Variants in CCDC181 observed in about 807,000 individuals in gnomAD.
CCDC181 encodes coiled-coil domain-containing protein 181.
A neutral mutation model predicts 58.7 loss-of-function variants in CCDC181; 35 were observed. That is an observed-to-expected ratio of 0.60 (90% CI 0.46 to 0.79). The LOEUF is 0.79. Among genes scored for constraint, CCDC181 ranks in the 30% least tolerant of loss-of-function variants. The pLI is 0.00. For missense variants in CCDC181, 517 were observed against 583.9 expected (o/e 0.89, Z 1.18); for synonymous variants, 183 against 197.5 (o/e 0.93, Z 0.62).
At chr1:169,454,639 C>A (rs1447857671) in intron 2 of CCDC181, 1 of 151,968 alleles carries the variant, frequency 6.6e-6, no homozygotes, top group African/African-American at 2.4e-5. Flanking sequence ...AGGACGTTCA[C>A]ACTGCTTTTT....
intron 2 of CCDC181, among the ~76,000 whole-genome samples, chr1:169,434,029 T>G (rs1179553658): frequency 1.3e-5 from 2 of 152,048 alleles, no homozygotes; most frequent in African/African-American, 2.4e-5. Flanking sequence ...AAATGATATA[T>G]CTAATGTTCA....
chr1:169,436,315 C>A (rs1422325186), intron 2 of CCDC181, among the ~76,000 whole-genome samples: 1 of 152,178 alleles, frequency 6.6e-6, no homozygotes, highest in Non-Finnish European at 1.5e-5. Flanking sequence ...CTTTCGTTCA[C>A]AGATCAGGAT....
chr1:169,407,691 C>A (rs1655738799), intron 4 of CCDC181, among the ~76,000 whole-genome samples: 1 of 152,174 alleles, frequency 6.6e-6, no homozygotes, highest in African/African-American at 2.4e-5. Context: ...GAGACCAACA[C>A]AGAAGGCAGG....
At chr1:169,420,927 G>A (rs1656424300) in intron 3 of CCDC181, among the ~76,000 whole-genome samples, 3 of 152,152 alleles carry the variant, frequency 2.0e-5, no homozygotes, top group African/African-American at 7.2e-5. Flanking sequence ...TGTAAGCATA[G>A]AACATAACAT....
chr1:169,406,721 C>T (rs564771404), intron 4 of CCDC181, among the ~76,000 whole-genome samples: 103 of 151,608 alleles, frequency 6.8e-4, no homozygotes, highest in Non-Finnish European at 1.3e-3. Flanking sequence ...ACCAACATGG[C>T]ACATGTATAC....
exon 1 of CCDC181, chr1:169,460,320 T>C (rs142634080): frequency 6.6e-6 from 1 of 152,198 alleles, no homozygotes; most frequent in Non-Finnish European, 1.5e-5. Context: ...CAGAAAACGG[T>C]CAACATCGGC....
intron 4 of CCDC181, among the ~76,000 whole-genome samples, chr1:169,416,405 C>T (rs549367844): frequency 2.2e-4 from 33 of 152,194 alleles, no homozygotes; most frequent in Non-Finnish European, 3.8e-4. Context: ...GCCTCTGAGC[C>T]CCCCTGCTTC....
intron 2 of CCDC181, among the ~76,000 whole-genome samples, chr1:169,439,088 T>TG (rs1008935337): frequency 1.3e-5 from 2 of 152,072 alleles, no homozygotes; most frequent in African/African-American, 4.8e-5. Flanking sequence ...CACCCCACAG[T>TG]GGGGCTATAT....
At chr1:169,401,426 G>C (rs1655340407) in intron 4 of CCDC181, among the ~76,000 whole-genome samples, 1 of 152,212 alleles carries the variant, frequency 6.6e-6, no homozygotes, top group South Asian at 2.1e-4. Context: ...ACCTCATACA[G>C]CCGGGTGCCC....
intron 2 of CCDC181, among the ~76,000 whole-genome samples, chr1:169,423,580 C>G (rs1331744659): frequency 6.6e-6 from 1 of 152,014 alleles, no homozygotes; most frequent in Non-Finnish European, 1.5e-5. Context: ...AGATTCATAA[C>G]AGCACTTTTA....
chr1:169,401,201 C>T (rs1443284960), intron 4 of CCDC181, among the ~76,000 whole-genome samples: 1 of 152,260 alleles, frequency 6.6e-6, no homozygotes, highest in Non-Finnish European at 1.5e-5. Flanking sequence ...CTGCCTGCCT[C>T]TGTAGACTCT....
At chr1:169,422,394 T>C (rs971338431) in intron 2 of CCDC181, 81 bp from the exon 3 acceptor site, 2 of 1,025,262 alleles carry the variant, frequency 2.0e-6, no homozygotes, top group African/African-American at 3.2e-5. Flanking sequence ...TTCCTGTTCA[T>C]GTAATTTATT....
chr1:169,454,035 C>T (rs1657620110), intron 2 of CCDC181, among the ~76,000 whole-genome samples: 1 of 151,976 alleles, frequency 6.6e-6, no homozygotes, highest in Non-Finnish European at 1.5e-5. Flanking sequence ...TCTTCAGGAC[C>T]AAATAGATGC....
At chr1:169,402,937 A>C (rs1655434524) in intron 4 of CCDC181, among the ~76,000 whole-genome samples, 1 of 152,148 alleles carries the variant, frequency 6.6e-6, no homozygotes, top group African/African-American at 2.4e-5. Flanking sequence ...CATAGGCTCA[A>C]AATAAAGGGA....
intron 2 of CCDC181, among the ~76,000 whole-genome samples, chr1:169,438,602 A>G (rs1245900227): frequency 6.6e-6 from 1 of 152,182 alleles, no homozygotes; most frequent in Non-Finnish European, 1.5e-5. Context: ...CTTGTTCAGC[A>G]CCCAATATCA....
chr1:169,397,714 G>T (rs2102036536), intron 4 of CCDC181, among the ~76,000 whole-genome samples: 1 of 152,292 alleles, frequency 6.6e-6, no homozygotes, highest in Non-Finnish European at 1.5e-5. Context: ...GAAAAAGCTA[G>T]TAGGAGTGGC....
intron 4 of CCDC181, 52 bp from the exon 5 acceptor site, chr1:169,397,443 T>C: frequency 1.3e-6 from 2 of 1,486,436 alleles, no homozygotes; most frequent in Non-Finnish European, 1.8e-6. Flanking sequence ...AACTACATTT[T>C]GAAGCCCTGC....
At chr1:169,437,418 GATAAACT>G (rs1657087797) in intron 2 of CCDC181, among the ~76,000 whole-genome samples, 1 of 152,194 alleles carries the variant, frequency 6.6e-6, no homozygotes, top group African/African-American at 2.4e-5. Flanking sequence ...TTGGGAAAGG[GATAAACT>G]ATAAACTAAG....
chr1:169,409,942 T>A (rs2102064847), intron 4 of CCDC181, among the ~76,000 whole-genome samples: 1 of 152,236 alleles, frequency 6.6e-6, no homozygotes, highest in African/African-American at 2.4e-5. Context: ...ATGCCAATTG[T>A]AAAGACCATT....
Sources: gnomAD v4.1 joint callset for allele counts (sites outside exome capture counted in the v4.1 genomes callset) on GRCh38, gnomAD v4.1.1 for gene constraint, MANE v1.5 for transcripts, NCBI Gene and HGNC (gene_info 2026-07-23, HGNC 2026-07-21) for gene names.